The following ZBTB20 variants were observed in gnomAD, a reference collection of about 807,000 sequenced individuals.
ZBTB20 encodes the protein zinc finger and BTB domain containing 20, also known as zinc finger and BTB domain-containing protein 20.
A neutral mutation model predicts 56.9 loss-of-function variants in ZBTB20; 9 were observed. The observed-to-expected ratio is 0.16, with a 90% confidence interval of 0.10 to 0.28. The LOEUF is 0.28. Ranked by LOEUF, ZBTB20 falls within the 10% of genes least tolerant of loss-of-function variation. The probability of loss-of-function intolerance (pLI) is 1.00; values close to 1 mark genes in which losing one functional copy is unlikely to be tolerated. For missense variants in ZBTB20, 655 were observed against 1,003.0 expected (o/e 0.65, Z 4.69); for synonymous variants, 417 against 420.7 (o/e 0.99, Z 0.11).
chr3:114,334,302 A>AT lies in ZBTB20; in HGVS notation c.*4702dup, dbSNP rs1399504862. ...CCTAGGGGTCACAGGTGTTGGGAGCATTGTGGAGGAGCCCCAACAAGGAAG... is the reference window on the plus strand; with the variant it reads ...CCTAGGGGTCACAGGTGTTGGGAGCATTTGTGGAGGAGCCCCAACAAGGAAG... On this transcript the variant is annotated 3_prime_UTR_variant, in exon 12 of 12. Coordinates refer to ENST00000675478, the MANE Select transcript of ZBTB20 (RefSeq NM_001348800.3). The AT allele has an allele frequency of 6.6e-6, 1 of 152,196 alleles. No homozygotes were observed. Among genetic ancestry groups the AT allele is most frequent in the Non-Finnish European group, 1.5e-5 (1 of 68,040 alleles). 9.4% of individuals were successfully genotyped at this position (152,196 alleles called of 1,614,324 possible).
At chr3:115,101,142 G>T (rs2083569364) in intron 1 of ZBTB20, among the ~76,000 whole-genome samples, 2 of 152,182 alleles carry the variant, frequency 1.3e-5, no homozygotes, top group Admixed American at 1.3e-4. Flanking sequence ...AATGCGTATA[G>T]TACATAGTGG....
At chr3:114,419,396 G>A (rs2088911766) in intron 7 of ZBTB20, among the ~76,000 whole-genome samples, 1 of 152,072 alleles carries the variant, frequency 6.6e-6, no homozygotes, top group African/African-American at 2.4e-5. Flanking sequence ...GAACAGGGAA[G>A]CTGATTTGAG....
intron 1 of ZBTB20, among the ~76,000 whole-genome samples, chr3:115,117,467 G>T (rs1225530206): frequency 1.3e-5 from 2 of 151,992 alleles, no homozygotes; most frequent in African/African-American, 4.8e-5. Flanking sequence ...AATATTTTCT[G>T]TATAAAGCAG....
chr3:114,791,994 A>G (rs1361724448), intron 5 of ZBTB20: 2 of 152,076 alleles, frequency 1.3e-5, no homozygotes, highest in Non-Finnish European at 2.9e-5. Flanking sequence ...GGGATACATG[A>G]AGGGGTGCAT....
intron 1 of ZBTB20, among the ~76,000 whole-genome samples, chr3:115,134,064 T>C (rs564087412): frequency 9.2e-5 from 14 of 152,332 alleles, no homozygotes; most frequent in Non-Finnish European, 1.0e-4. Flanking sequence ...TCATCTTCTA[T>C]CTTGTATTAT....
At chr3:114,906,834 T>TA (rs982836533) in intron 3 of ZBTB20, among the ~76,000 whole-genome samples, 27 of 150,092 alleles carry the variant, frequency 1.8e-4, no homozygotes, top group East Asian at 2.0e-4. Context: ...GGTTAATACA[T>TA]AAAAAAAAAT....
intron 2 of ZBTB20, among the ~76,000 whole-genome samples, chr3:114,988,198 T>A (rs1377862675): frequency 1.3e-5 from 2 of 150,930 alleles, no homozygotes; most frequent in Non-Finnish European, 3.0e-5. Flanking sequence ...CTGCACCCAT[T>A]AACTCGTCAT....
chr3:115,139,631 T>G (rs1473375180), intron 1 of ZBTB20, among the ~76,000 whole-genome samples: 1 of 152,032 alleles, frequency 6.6e-6, no homozygotes, highest in Non-Finnish European at 1.5e-5. Context: ...ACCTATGTTT[T>G]GCTTAGAGAA....
At chr3:114,972,467 G>T (rs1044974569) in intron 3 of ZBTB20, among the ~76,000 whole-genome samples, 1 of 152,082 alleles carries the variant, frequency 6.6e-6, no homozygotes, top group African/African-American at 2.4e-5. Context: ...CCTGATATTT[G>T]TGAAGATGGA....
intron 3 of ZBTB20, among the ~76,000 whole-genome samples, chr3:114,962,068 G>A (rs2077473224): frequency 6.6e-6 from 1 of 151,898 alleles, no homozygotes; most frequent in South Asian, 2.1e-4. Flanking sequence ...TTAAATTCAG[G>A]GAAAAATTAG....
chr3:114,485,133 A>G (rs2041978526), intron 7 of ZBTB20, among the ~76,000 whole-genome samples: 1 of 152,206 alleles, frequency 6.6e-6, no homozygotes, highest in African/African-American at 2.4e-5. Context: ...CTGAAAGTCA[A>G]TGCAGTCTGC....
intron 1 of ZBTB20, among the ~76,000 whole-genome samples, chr3:115,138,057 A>C (rs974884627): frequency 2.0e-5 from 3 of 152,076 alleles, no homozygotes; most frequent in Non-Finnish European, 4.4e-5. Context: ...AGAACAAACA[A>C]ACACAAAAGC....
chr3:114,655,032 A>C (rs1393032306), intron 6 of ZBTB20, among the ~76,000 whole-genome samples: 1 of 152,026 alleles, frequency 6.6e-6, no homozygotes, highest in Non-Finnish European at 1.5e-5. Flanking sequence ...CCATGTTATT[A>C]CATTTAAAGT....
intron 5 of ZBTB20, among the ~76,000 whole-genome samples, chr3:114,710,002 T>A (rs1370109539): frequency 6.6e-6 from 1 of 152,190 alleles, no homozygotes; most frequent in African/African-American, 2.4e-5. Flanking sequence ...TTCACCTTCC[T>A]ATGAATTCAC....
intron 1 of ZBTB20, among the ~76,000 whole-genome samples, chr3:115,097,462 A>ATTT (rs1560570351): frequency 3.3e-5 from 5 of 151,848 alleles, no homozygotes; most frequent in African/African-American, 1.2e-4. Context: ...ATTTTTTTTA[A>ATTT]AAAAAATCTA....
rs2060336435 is a variant in ZBTB20, at chr3:114,655,242, C to CCTTTTT, written c.-295+38285_-295+38286insAAAAAG. On this transcript the variant is annotated intron_variant, in intron 6 of 11. Transcript: ENST00000675478. Reference sequence around the variant, plus strand: ...ATTGTTATTCTTCTGTTTTCCTTTCCTTTTTTTTTTTTTTTTTTTTTGAGA... The same window carrying CCTTTTT: ...ATTGTTATTCTTCTGTTTTCCTTTCCCTTTTTTTTTTTTTTTTTTTTTTTTTTGAGA... Among the ~76,000 whole-genome samples the CCTTTTT allele has an allele frequency of 6.5e-5, 6 of 91,650 alleles. No homozygotes were observed. In the South Asian group the frequency reaches 1.8e-3, roughly 27 times the overall value. 60.1% of individuals were successfully genotyped at this position (91,650 alleles called of 152,430 possible). A position where few individuals can be genotyped will look rare whatever the true frequency, so the allele number is the denominator to read the frequency against.
At chr3:114,471,246 A>T (rs2040092222) in intron 7 of ZBTB20, among the ~76,000 whole-genome samples, 1 of 152,128 alleles carries the variant, frequency 6.6e-6, no homozygotes, top group Non-Finnish European at 1.5e-5. Context: ...TCTTCATCCT[A>T]TCTATATATC....
chr3:114,407,908 A>G (rs979037404), intron 7 of ZBTB20, among the ~76,000 whole-genome samples: 7 of 138,694 alleles, frequency 5.0e-5, no homozygotes, highest in Admixed American at 2.2e-4. Context: ...TGTAACCTAT[A>G]TGAGGGGGGG....
At chr3:115,011,939 GT>G (rs1163993795) in intron 2 of ZBTB20, among the ~76,000 whole-genome samples, 5 of 151,714 alleles carry the variant, frequency 3.3e-5, no homozygotes, top group Admixed American at 6.6e-5. Flanking sequence ...GTTTTTCTTA[GT>G]TTTCTATTTG....
Sources: gnomAD v4.1 joint callset for allele counts (sites outside exome capture counted in the v4.1 genomes callset) on GRCh38, gnomAD v4.1.1 for gene constraint, MANE v1.5 for transcripts, NCBI Gene and HGNC (gene_info 2026-07-23, HGNC 2026-07-21) for gene names.